The following ADAM18 variants were observed in gnomAD, a reference collection of about 807,000 sequenced individuals.
ADAM18 encodes the protein disintegrin and metalloproteinase domain-containing protein 18.
In ADAM18, 117 loss-of-function variants were observed where a neutral mutation model predicts 94.4. That is an observed-to-expected ratio of 1.24 (90% CI 1.07 to 1.45). The LOEUF is 1.45. Among genes scored for constraint, ADAM18 ranks in the 40% most tolerant of loss-of-function variants. The probability of loss-of-function intolerance (pLI) is 0.00; values close to 1 mark genes in which losing one functional copy is unlikely to be tolerated. For missense variants in ADAM18, 936 were observed against 880.0 expected (o/e 1.06, Z -0.81); for synonymous variants, 327 against 291.6 (o/e 1.12, Z -1.24).
chr8:39,615,881 TA>T (rs981853739), intron 6 of ADAM18, among the ~76,000 whole-genome samples: 1 of 151,916 alleles, frequency 6.6e-6, no homozygotes, highest in African/African-American at 2.4e-5. Flanking sequence ...AAAATCAATG[TA>T]AAAAAAATAA....
chr8:39,603,248 T>C (rs999185882), intron 2 of ADAM18, among the ~76,000 whole-genome samples: 1 of 152,224 alleles, frequency 6.6e-6, no homozygotes, highest in African/African-American at 2.4e-5. Context: ...AATATCATTC[T>C]GTCTTGATTA....
chr8:39,602,495 G>A lies in ADAM18; in HGVS notation c.133-3812G>A, dbSNP rs189606132. Among the ~76,000 whole-genome samples, 63 of 152,240 alleles carry A rather than the reference G, an allele frequency of 4.1e-4. 2 individuals are homozygous for A. The highest frequency in any genetic ancestry group is 7.4e-4 in the Non-Finnish European group (50 of 68,018). On this transcript the variant is annotated intron_variant, in intron 2 of 19. Coordinates refer to ENST00000265707, the MANE Select transcript of ADAM18 (RefSeq NM_014237.3). The stretch of plus-strand genomic sequence containing the variant: ...CTGGAACTGCCTTGAATCCAGATGA[G>A]AACTTTAGGGTCATTTCTGCCACAC...
At chr8:39,644,889 A>G (rs1403799425) in intron 10 of ADAM18, among the ~76,000 whole-genome samples, 2 of 152,150 alleles carry the variant, frequency 1.3e-5, no homozygotes, top group East Asian at 3.9e-4. Flanking sequence ...TTTATTGCAG[A>G]TTACTGTTGT....
intron 14 of ADAM18, among the ~76,000 whole-genome samples, chr8:39,676,446 G>A (rs190419729): frequency 1.4e-4 from 22 of 152,344 alleles, no homozygotes; most frequent in African/African-American, 5.0e-4. Flanking sequence ...CATGGGAACT[G>A]TCGAGCCAGG....
At chr8:39,654,785 C>A (rs1474620913) in intron 12 of ADAM18, among the ~76,000 whole-genome samples, 1 of 152,058 alleles carries the variant, frequency 6.6e-6, no homozygotes, top group Non-Finnish European at 1.5e-5. Context: ...TTGTATGTCC[C>A]TGATGATAAC....
At chr8:39,647,234 CAAAAA>C (rs72204674) in intron 11 of ADAM18, among the ~76,000 whole-genome samples, 1 of 130,152 alleles carries the variant, frequency 7.7e-6, no homozygotes, top group Non-Finnish European at 1.6e-5. Context: ...AGAAAGTCAG[CAAAAA>C]AAAAAAAAAA....
intron 18 of ADAM18, among the ~76,000 whole-genome samples, chr8:39,723,518 G>A (rs1217445684): frequency 6.6e-6 from 1 of 151,466 alleles, no homozygotes; most frequent in Non-Finnish European, 1.5e-5. Flanking sequence ...GCAGCAAACA[G>A]CACTCTAAAC....
chr8:39,593,520 T>C (rs1453777730), intron 2 of ADAM18, among the ~76,000 whole-genome samples: 1 of 151,960 alleles, frequency 6.6e-6, no homozygotes, highest in African/African-American at 2.4e-5. Flanking sequence ...CAAAACAGTA[T>C]GGTTTTGTCA....
intron 2 of ADAM18, among the ~76,000 whole-genome samples, chr8:39,598,474 A>G (rs1186394914): frequency 6.6e-6 from 1 of 152,012 alleles, no homozygotes; most frequent in Non-Finnish European, 1.5e-5. Context: ...ATTATTATTC[A>G]AAGTGGGTGT....
At chr8:39,647,751 C>G (rs945692499) in intron 11 of ADAM18, among the ~76,000 whole-genome samples, 1 of 152,206 alleles carries the variant, frequency 6.6e-6, no homozygotes, top group South Asian at 2.1e-4. Flanking sequence ...ACCAAGCATA[C>G]TGCTTGTAAA....
At chr8:39,698,865 A>C (rs1044950824) in intron 17 of ADAM18, among the ~76,000 whole-genome samples, 2 of 152,010 alleles carry the variant, frequency 1.3e-5, no homozygotes, top group Non-Finnish European at 2.9e-5. Flanking sequence ...TAAATCTTTC[A>C]CCTAAAAAAC....
intron 14 of ADAM18, among the ~76,000 whole-genome samples, chr8:39,672,284 G>A (rs993754644): frequency 6.6e-6 from 1 of 152,142 alleles, no homozygotes; most frequent in African/African-American, 2.4e-5. Flanking sequence ...TTCAAAGATG[G>A]CTTCCTCTGC....
chr8:39,662,432 G>A (rs1008807958), intron 12 of ADAM18, among the ~76,000 whole-genome samples: 1 of 151,916 alleles, frequency 6.6e-6, no homozygotes, highest in Admixed American at 6.6e-5. Context: ...GAAAAAGTGT[G>A]AACAAATGGA....
chr8:39,653,149 T>G (rs1375460887), intron 12 of ADAM18, among the ~76,000 whole-genome samples: 1 of 151,942 alleles, frequency 6.6e-6, no homozygotes, highest in South Asian at 2.1e-4. Flanking sequence ...AAAGTAGATT[T>G]TAAGTGTTTT....
At chr8:39,648,053 T>C (rs1332572202) in intron 11 of ADAM18, among the ~76,000 whole-genome samples, 2 of 152,224 alleles carry the variant, frequency 1.3e-5, no homozygotes, top group African/African-American at 4.8e-5. Context: ...GAGGGAACAA[T>C]AGATAGATGG....
chr8:39,651,120 A>G (rs981991541), intron 12 of ADAM18, among the ~76,000 whole-genome samples: 2 of 152,200 alleles, frequency 1.3e-5, no homozygotes, highest in African/African-American at 4.8e-5. Flanking sequence ...TTTGATGTGT[A>G]TATACATAAA....
chr8:39,585,102 T>C (rs536544328), intron 1 of ADAM18, among the ~76,000 whole-genome samples, 174 bp from the exon 2 acceptor site: 2 of 152,328 alleles, frequency 1.3e-5, no homozygotes, highest in Admixed American at 1.3e-4. Flanking sequence ...CCATTTTCAA[T>C]GTGCTGTTGA....
intron 12 of ADAM18, 147 bp downstream of exon 12, chr8:39,648,674 A>G (rs1820450067): frequency 2.5e-6 from 2 of 798,702 alleles, no homozygotes; most frequent in Non-Finnish European, 3.7e-6. Flanking sequence ...GTTAAGATGT[A>G]TAAATCACGT....
intron 6 of ADAM18, among the ~76,000 whole-genome samples, chr8:39,623,296 T>G (rs943561115): frequency 2.6e-5 from 4 of 152,192 alleles, no homozygotes; most frequent in Non-Finnish European, 5.9e-5. Context: ...TGAATTGTGC[T>G]GGAGTAAACA....
Sources: gnomAD v4.1 joint callset for allele counts (sites outside exome capture counted in the v4.1 genomes callset) on GRCh38, gnomAD v4.1.1 for gene constraint, MANE v1.5 for transcripts, NCBI Gene and HGNC (gene_info 2026-07-23, HGNC 2026-07-21) for gene names.